The following SLC24A2 variants were observed in gnomAD, a reference collection of about 807,000 sequenced individuals.
The protein encoded by SLC24A2 is solute carrier family 24 member 2, also known as sodium/potassium/calcium exchanger 2.
A neutral mutation model predicts 62.0 loss-of-function variants in SLC24A2; 36 were observed. That is an observed-to-expected ratio of 0.58 (90% CI 0.44 to 0.77). SLC24A2 has a LOEUF of 0.77. Ranked by LOEUF, SLC24A2 falls within the 30% of genes least tolerant of loss-of-function variation. The pLI is 0.00. For missense variants in SLC24A2, 846 were observed against 817.9 expected (o/e 1.03, Z -0.42); for synonymous variants, 358 against 294.0 (o/e 1.22, Z -2.23).
At chr9:19,708,925 G>C (rs565742905) in intron 2 of SLC24A2, among the ~76,000 whole-genome samples, 6 of 152,168 alleles carry the variant, frequency 3.9e-5, no homozygotes, top group African/African-American at 1.4e-4. Flanking sequence ...TTAAACTAAA[G>C]AGCTTCTGCA....
chr9:19,820,840 G>T, the SLC24A2 span, among the ~76,000 whole-genome samples: 11 of 151,988 alleles, frequency 7.2e-5, no homozygotes, highest in African/African-American at 2.7e-4. Flanking sequence ...AAATCTACAT[G>T]TTCTCAGCAT....
chr9:20,141,492 T>C, the SLC24A2 span, among the ~76,000 whole-genome samples: 1 of 152,214 alleles, frequency 6.6e-6, no homozygotes, highest in South Asian at 2.1e-4. Context: ...ACTTCTGAAA[T>C]GACTGTGAAG....
At chr9:19,778,635 A>G (rs1205650477) in intron 2 of SLC24A2, among the ~76,000 whole-genome samples, 2 of 152,202 alleles carry the variant, frequency 1.3e-5, no homozygotes, top group African/African-American at 4.8e-5. Context: ...CCTGGGTAGT[A>G]AAAAAGTCAA....
At chr9:19,983,689 T>C in the SLC24A2 span, among the ~76,000 whole-genome samples, 1 of 152,074 alleles carries the variant, frequency 6.6e-6, no homozygotes, top group Non-Finnish European at 1.5e-5. Context: ...CTGGAAATGA[T>C]CAACCTGAAA....
chr9:20,262,327 C>T, the SLC24A2 span, among the ~76,000 whole-genome samples: 1 of 152,150 alleles, frequency 6.6e-6, no homozygotes, highest in Non-Finnish European at 1.5e-5. Context: ...TCCCAGCAGC[C>T]GAAGTTTCCT....
chr9:19,752,837 T>G (rs1822025884), intron 2 of SLC24A2, among the ~76,000 whole-genome samples: 1 of 152,098 alleles, frequency 6.6e-6, no homozygotes, highest in African/African-American at 2.4e-5. Context: ...TTGAGTGACT[T>G]CCCCAAAGTG....
the SLC24A2 span, among the ~76,000 whole-genome samples, chr9:19,911,770 C>T: frequency 6.6e-6 from 1 of 152,162 alleles, no homozygotes; most frequent in Non-Finnish European, 1.5e-5. Flanking sequence ...TCCACTTGAC[C>T]TGTGGTTATG....
the SLC24A2 span, among the ~76,000 whole-genome samples, chr9:20,018,554 T>C: frequency 1.3e-5 from 2 of 152,184 alleles, no homozygotes; most frequent in African/African-American, 2.4e-5. Context: ...TCCTTCTTCT[T>C]CATGCTCACT....
the SLC24A2 span, among the ~76,000 whole-genome samples, chr9:20,176,168 C>T: frequency 4.6e-5 from 7 of 151,968 alleles, no homozygotes; most frequent in Non-Finnish European, 8.8e-5. Context: ...TTCTAGGCTA[C>T]GGTTCCATGA....
the SLC24A2 span, among the ~76,000 whole-genome samples, chr9:20,263,447 C>A: frequency 6.6e-6 from 1 of 152,098 alleles, no homozygotes. Flanking sequence ...CTGGGTCTTA[C>A]TATGTTTCCA....
At chr9:19,832,464 G>T in the SLC24A2 span, among the ~76,000 whole-genome samples, 105,596 of 152,068 alleles carry the variant, frequency 0.69, 41,066 homozygotes, top group Non-Finnish European at 0.88. Context: ...CAAAAGTAAG[G>T]TCAGGGACGA....
the SLC24A2 span, among the ~76,000 whole-genome samples, chr9:20,262,837 G>A: frequency 6.6e-6 from 1 of 152,180 alleles, no homozygotes; most frequent in African/African-American, 2.4e-5. Flanking sequence ...ACTGAAGTTA[G>A]TACATTTTTC....
At chr9:19,843,850 T>C in the SLC24A2 span, among the ~76,000 whole-genome samples, 1 of 152,222 alleles carries the variant, frequency 6.6e-6, no homozygotes, top group Admixed American at 6.5e-5. Flanking sequence ...GCAAAGGACA[T>C]GATTTCATTC....
chr9:19,690,981 GAC>G (rs1820030807), intron 2 of SLC24A2, among the ~76,000 whole-genome samples: 1 of 152,052 alleles, frequency 6.6e-6, no homozygotes. Flanking sequence ...AAAAGAAAAA[GAC>G]AGTGTCACAT....
At chr9:20,211,585 G>C in the SLC24A2 span, among the ~76,000 whole-genome samples, 1 of 152,184 alleles carries the variant, frequency 6.6e-6, no homozygotes, top group Non-Finnish European at 1.5e-5. Context: ...AAATCAGCTA[G>C]ACATGTATGT....
chr9:20,172,257 A>G, the SLC24A2 span, among the ~76,000 whole-genome samples: 1 of 152,060 alleles, frequency 6.6e-6, no homozygotes. Flanking sequence ...AAAGTCTGAA[A>G]GAGCACAGGC....
chr9:20,110,431 G>A, the SLC24A2 span, among the ~76,000 whole-genome samples: 5 of 151,162 alleles, frequency 3.3e-5, no homozygotes, highest in Admixed American at 2.6e-4. Flanking sequence ...CTCACCCAAA[G>A]TAGTCCAACT....
At chr9:20,137,048 G>C in the SLC24A2 span, among the ~76,000 whole-genome samples, 6,822 of 152,196 alleles carry the variant, frequency 0.045, 492 homozygotes, top group African/African-American at 0.15. Context: ...CACAAGGTTG[G>C]CATCTGAAGT....
chr9:20,113,696 C>A, the SLC24A2 span, among the ~76,000 whole-genome samples: 2 of 151,904 alleles, frequency 1.3e-5, no homozygotes, highest in Non-Finnish European at 2.9e-5. Context: ...ATATGTGTAT[C>A]CATTATATTA....
Sources: allele counts gnomAD v4.1 joint callset (sites outside exome capture counted in the v4.1 genomes callset), GRCh38; gene constraint gnomAD v4.1.1; transcripts MANE v1.5; gene names NCBI Gene and HGNC (gene_info 2026-07-23, HGNC 2026-07-21).